FOXP1: variants seen among roughly 807,000 people sequenced by gnomAD.
The protein encoded by FOXP1 is forkhead box P1.
A neutral mutation model predicts 98.2 loss-of-function variants in FOXP1; 15 were observed. The ratio of observed to expected loss-of-function variants is 0.15; its 90% CI spans 0.10 to 0.24. The LOEUF is 0.24. Ranked by LOEUF, FOXP1 falls within the 10% of genes least tolerant of loss-of-function variation. FOXP1 has a pLI of 1.00. For synonymous variants in FOXP1, 371 were observed against 314.5 expected, an observed-to-expected ratio of 1.18 and a Z score of -1.90; for missense variants, 633 against 848.5, an observed-to-expected ratio of 0.75 and a Z score of 3.15.
chr3:70,973,173 G>A lies in FOXP1; in HGVS notation c.1531-497C>T, dbSNP rs184042205. ...AGGTCCTATGAAGAATTCTAAAGTG[G>A]ATTTTACCGTTGAGAGTATCGCCTT... is the stretch of plus-strand genomic sequence containing the variant. On this transcript the variant is annotated intron_variant, in intron 17 of 20. Transcript: ENST00000649528. 6.6e-5 allele frequency among the ~76,000 whole-genome samples: 10 copies of A among 152,272 alleles called. 2 individuals are homozygous for A. The highest frequency in any genetic ancestry group is 2.4e-4 in the African/African-American group (10 of 41,546).
intron 5 of FOXP1, among the ~76,000 whole-genome samples, chr3:71,233,510 G>A (rs187607019): frequency 6.6e-6 from 1 of 151,546 alleles, no homozygotes; most frequent in Admixed American, 6.6e-5. Flanking sequence ...CACTGCAACC[G>A]CTGCCTCCGG....
chr3:71,384,188 T>C (rs1051160940), intron 3 of FOXP1, among the ~76,000 whole-genome samples: 1 of 152,140 alleles, frequency 6.6e-6, no homozygotes, highest in African/African-American at 2.4e-5. Context: ...CGTTGCAATC[T>C]GGGCAACAGA....
At chr3:71,489,931 C>G (rs1462867330) in intron 3 of FOXP1, among the ~76,000 whole-genome samples, 1 of 152,202 alleles carries the variant, frequency 6.6e-6, no homozygotes, top group Admixed American at 6.5e-5. Context: ...AACTCTGACC[C>G]TGGTCTACCA....
At chr3:71,333,775 A>C (rs1444098743) in intron 4 of FOXP1, 1 of 151,944 alleles carries the variant, frequency 6.6e-6, no homozygotes, top group Non-Finnish European at 1.5e-5. Context: ...AGTGAGCTGA[A>C]ATGGCACCAC....
rs376608793 is a variant in FOXP1 at position 71,083,235 on chromosome 3, GC to G, written c.282+29300del. 3.6e-4 allele frequency among the ~76,000 whole-genome samples: 55 copies of G among 152,106 alleles called. 1 individual carries two copies. The South Asian group carries it at 5.8e-3, about 16-fold the overall frequency. On this transcript the variant is annotated intron_variant, in intron 7 of 20. Transcript: ENST00000649528. Reference sequence around the variant, plus strand: ...TCCCCTGAGATCTGGTTAAGTGTGTGCCCCCTCACCCCCAAATCTCTCTCTC... The same window carrying G: ...TCCCCTGAGATCTGGTTAAGTGTGTGCCCCTCACCCCCAAATCTCTCTCTC...
At position 71,045,896 on chromosome 3, in the gene FOXP1, A is replaced by G. The variant is rs568699174; in HGVS notation, c.664+1046T>C. On this transcript the variant is annotated intron_variant, in intron 10 of 20. Transcript: ENST00000649528. ...TTTAGAAGGCAACTGAATCCAAGAC[A>G]GCAGTGGCTTTAGCTATCAGCCTTT... Among the ~76,000 whole-genome samples the G allele has an allele frequency of 4.6e-5, 7 of 152,340 alleles. No homozygotes were observed. The East Asian group carries it at 1.2e-3, about 25-fold the overall frequency.
intron 3 of FOXP1, among the ~76,000 whole-genome samples, chr3:71,457,763 C>T (rs997395490): frequency 1.3e-5 from 2 of 152,246 alleles, no homozygotes; most frequent in South Asian, 2.1e-4. Flanking sequence ...TCAAAGCACT[C>T]GAAGAGATAT....
chr3:71,378,097 CAAAAA>C (rs11333445), intron 3 of FOXP1, among the ~76,000 whole-genome samples: 2 of 115,660 alleles, frequency 1.7e-5, no homozygotes, highest in Non-Finnish European at 1.9e-5. Flanking sequence ...GGCCAAGAAA[CAAAAA>C]AAAAAAAAAA....
intron 14 of FOXP1, among the ~76,000 whole-genome samples, chr3:70,979,094 CTG>C (rs1370252457): frequency 6.6e-6 from 1 of 151,412 alleles, no homozygotes; most frequent in South Asian, 2.1e-4. Context: ...TGGTGAAACT[CTG>C]TCTCCATTAA....
intron 3 of FOXP1, among the ~76,000 whole-genome samples, chr3:71,428,880 G>A (rs182619032): frequency 1.1e-3 from 172 of 152,252 alleles, no homozygotes; most frequent in South Asian, 6.2e-4. Context: ...AACCTGGCTC[G>A]GCCAGGAGGC....
At chr3:71,267,537 A>C (rs1386878580) in intron 5 of FOXP1, among the ~76,000 whole-genome samples, 2 of 152,236 alleles carry the variant, frequency 1.3e-5, no homozygotes, top group East Asian at 1.9e-4. Context: ...AGGACCAAAA[A>C]CAAAAGCGAT....
chr3:71,122,420 T>C lies in FOXP1; in HGVS notation c.181-9783A>G, dbSNP rs550353860. Among the ~76,000 whole-genome samples the C allele has an allele frequency of 3.9e-5, 6 of 152,294 alleles. No homozygotes were observed. In the East Asian group the frequency reaches 7.7e-4, roughly 20 times the overall value. On this transcript the variant is annotated intron_variant, in intron 6 of 20. Coordinates refer to ENST00000649528, the MANE Select transcript of FOXP1 (RefSeq NM_001349338.3). ...GGAACTACTCACTACTGGCCAAATA[T>C]TAGGATGGGGGGGAATCCTAATATT...
intron 2 of FOXP1, among the ~76,000 whole-genome samples, chr3:71,566,971 C>T (rs568416743): frequency 6.6e-6 from 1 of 152,258 alleles, no homozygotes; most frequent in South Asian, 2.1e-4. Context: ...ACAAAGCACT[C>T]CCTCCCAACA....
intron 2 of FOXP1, among the ~76,000 whole-genome samples, chr3:71,525,316 C>T (rs895185453): frequency 6.6e-6 from 1 of 152,112 alleles, no homozygotes; most frequent in East Asian, 1.9e-4. Context: ...AAGACAGCAA[C>T]GAAAATTATG....
chr3:71,406,641 G>A (rs1285899668), intron 3 of FOXP1, among the ~76,000 whole-genome samples: 1 of 151,726 alleles, frequency 6.6e-6, no homozygotes, highest in Non-Finnish European at 1.5e-5. Flanking sequence ...AAGGGGGCAG[G>A]TGATCAACAA....
chr3:71,349,944 C>T (rs867374460), intron 4 of FOXP1, among the ~76,000 whole-genome samples: 1 of 152,120 alleles, frequency 6.6e-6, no homozygotes. Context: ...TATGAATAAA[C>T]AAATAATATC....
At chr3:71,567,575 G>C (rs1340090394) in intron 2 of FOXP1, among the ~76,000 whole-genome samples, 2 of 152,194 alleles carry the variant, frequency 1.3e-5, no homozygotes, top group Non-Finnish European at 2.9e-5. Flanking sequence ...TAGGGAAGCT[G>C]TTAGCTTTAT....
At chr3:71,055,511 AC>A (rs1327304837) in intron 7 of FOXP1, among the ~76,000 whole-genome samples, 1 of 152,220 alleles carries the variant, frequency 6.6e-6, no homozygotes, top group Non-Finnish European at 1.5e-5. Flanking sequence ...TGGATAAATT[AC>A]CCTTTTAAAA....
rs545900035 is a variant in FOXP1, at chr3:71,485,771, CA to C, written c.-168+7654del. Among the ~76,000 whole-genome samples, 640 of 111,726 alleles carry C rather than the reference CA, an allele frequency of 5.7e-3. 1 individual carries two copies. The highest frequency in any genetic ancestry group is 8.9e-3 in the Middle Eastern group (2 of 224). The allele number at this position is 111,726 out of a possible 152,430, so 73.3% of individuals were successfully genotyped here. On this transcript the variant is annotated intron_variant, in intron 3 of 20. Transcript: ENST00000649528. The stretch of plus-strand genomic sequence containing the variant: ...AGCTTAGACAACAAAGAGACTCCAT[CA>C]AAAAAAAAAAAAAAAGAACCACAGA...
Sources: allele counts gnomAD v4.1 joint callset (sites outside exome capture counted in the v4.1 genomes callset), GRCh38; gene constraint gnomAD v4.1.1; transcripts MANE v1.5; gene names NCBI Gene and HGNC (gene_info 2026-07-23, HGNC 2026-07-21).